PTK2: variants seen among roughly 807,000 people sequenced by gnomAD.
The protein encoded by PTK2 is focal adhesion kinase 1.
In PTK2, 45 loss-of-function variants were observed where a neutral mutation model predicts 150.1. That is an observed-to-expected ratio of 0.30 (90% CI 0.24 to 0.38). PTK2 has a LOEUF of 0.38. Ranked by LOEUF, PTK2 falls within the 10% of genes least tolerant of loss-of-function variation. PTK2 has a pLI of 1.00. For missense variants in PTK2, 919 were observed against 1,307.3 expected (o/e 0.70, Z 4.58); for synonymous variants, 432 against 449.2 (o/e 0.96, Z 0.48).
At chr8:140,724,128 CAGAT>C (rs1402794188) in intron 22 of PTK2, among the ~76,000 whole-genome samples, 2 of 152,290 alleles carry the variant, frequency 1.3e-5, no homozygotes, top group East Asian at 1.9e-4. Flanking sequence ...GAAGAAGCAA[CAGAT>C]AGATAAACAA....
chr8:140,762,309 T>C (rs2100069852), intron 15 of PTK2, 59 bp downstream of exon 18: 2 of 1,012,972 alleles, frequency 2.0e-6, no homozygotes, highest in Non-Finnish European at 2.4e-6. Context: ...AAACATCCCA[T>C]ATCACTCCAC....
chr8:140,948,983 C>T (rs1372994024), intron 1 of PTK2, among the ~76,000 whole-genome samples: 1 of 151,358 alleles, frequency 6.6e-6, no homozygotes, highest in Non-Finnish European at 1.5e-5. Context: ...CCTCTCCTGC[C>T]TCCCCTTCCA....
rs533089786 is a variant in PTK2 at position 140,679,003 on chromosome 8, G to GTTTTTTTTTTTTTTTTTTTTTTTTT, written c.2563-3529_2563-3505dup. 2.9e-5 allele frequency among the ~76,000 whole-genome samples: 2 copies of GTTTTTTTTTTTTTTTTTTTTTTTTT among 69,008 alleles called. 1 individual carries two copies. The highest frequency in any genetic ancestry group is 5.1e-5 in the Non-Finnish European group (2 of 39,314). The allele number at this position is 69,008 out of a possible 152,430, so 45.3% of individuals were successfully genotyped here. On this transcript the variant is annotated intron_variant, in intron 27 of 31. Transcript: ENST00000522684. ...TCACGGCCAGCTGAGTGCTCCCCAT[G>GTTTTTTTTTTTTTTTTTTTTTTTTT]TTTTTTTTTTTTTTTTTTTTTTTTT...
At chr8:140,783,558 A>G (rs2100083099) in intron 14 of PTK2, among the ~76,000 whole-genome samples, 1 of 152,220 alleles carries the variant, frequency 6.6e-6, no homozygotes, top group South Asian at 2.1e-4. Flanking sequence ...ACCACACAGA[A>G]AGAGATAAAA....
chr8:140,759,530 T>TAAAAAAAAAAAAAAAAAA (rs761643170), intron 16 of PTK2, among the ~76,000 whole-genome samples: 5 of 58,056 alleles, frequency 8.6e-5, no homozygotes, highest in Admixed American at 2.6e-4. Context: ...GACCCTGTCC[T>TAAAAAAAAAAAAAAAAAA]AAAAAAAAAA....
At chr8:140,884,010 C>T (rs953278682) in intron 3 of PTK2, among the ~76,000 whole-genome samples, 3 of 152,054 alleles carry the variant, frequency 2.0e-5, no homozygotes, top group Non-Finnish European at 4.4e-5. Context: ...CTTCCCTCAA[C>T]GTTGCATCTG....
intron 22 of PTK2, among the ~76,000 whole-genome samples, chr8:140,729,735 A>C (rs2154359912): frequency 6.6e-6 from 1 of 152,322 alleles, no homozygotes; most frequent in East Asian, 1.9e-4. Context: ...ATAAGATGGC[A>C]GGCACACTTA....
chr8:140,930,961 C>T (rs1022747041), intron 1 of PTK2, among the ~76,000 whole-genome samples: 2 of 151,496 alleles, frequency 1.3e-5, no homozygotes, highest in African/African-American at 2.4e-5. Context: ...GTAACTCCAG[C>T]TACTCAGGAG....
chr8:140,747,627 G>A (rs2100059965), intron 17 of PTK2, among the ~76,000 whole-genome samples: 1 of 93,850 alleles, frequency 1.1e-5, no homozygotes, highest in South Asian at 5.5e-4. Context: ...AGGAAGAGGA[G>A]GAAGGGGAGA....
intron 17 of PTK2, among the ~76,000 whole-genome samples, chr8:140,749,234 T>C (rs897561516): frequency 2.6e-5 from 4 of 152,204 alleles, no homozygotes; most frequent in Admixed American, 2.6e-4. Flanking sequence ...AATCTCACCT[T>C]GTCACATTCA....
rs2100074403 is a variant in PTK2, at chr8:140,769,559, T to G, written c.1178-5269A>C. ...TTATCTCATAGCAGTAACACAAATG[T>G]GAAAATAAATATTACCGTCCCCACT... On this transcript the variant is annotated intron_variant, in intron 14 of 31. Transcript: ENST00000522684. 7.4e-7 allele frequency: 1 copy of G among 1,348,822 alleles called. No homozygotes were observed. Among genetic ancestry groups the G allele is most frequent in the Admixed American group, 1.9e-5 (1 of 52,330 alleles). The allele number at this position is 1,348,822 out of a possible 1,614,324, so 83.6% of individuals were successfully genotyped here.
At chr8:140,930,271 T>TA (rs1307906082) in intron 1 of PTK2, among the ~76,000 whole-genome samples, 19 of 152,210 alleles carry the variant, frequency 1.2e-4, no homozygotes, top group Non-Finnish European at 4.4e-5. Flanking sequence ...AAAATACTCA[T>TA]TAACAACAAA....
At chr8:140,686,763 T>A in intron 26 of PTK2, 69 bp from the exon 30 acceptor site, 2 of 1,324,684 alleles carry the variant, frequency 1.5e-6, no homozygotes, top group Non-Finnish European at 2.1e-6. Context: ...GATTCTGTAT[T>A]AAATTCCTTC....
At chr8:140,705,044 C>T (rs2100032891) in intron 24 of PTK2, among the ~76,000 whole-genome samples, 1 of 152,152 alleles carries the variant, frequency 6.6e-6, no homozygotes, top group African/African-American at 2.4e-5. Flanking sequence ...TCATCTGCCT[C>T]AGAACCTACT....
At chr8:140,858,875 C>T (rs79857102) in intron 5 of PTK2, among the ~76,000 whole-genome samples, 2 of 152,060 alleles carry the variant, frequency 1.3e-5, no homozygotes, top group African/African-American at 4.8e-5. Context: ...CAATTAGTAT[C>T]AAATGAGCCA....
intron 24 of PTK2, 62 bp from the exon 28 acceptor site, chr8:140,702,769 C>T: frequency 6.5e-7 from 1 of 1,529,042 alleles, no homozygotes; most frequent in African/African-American, 1.4e-5. Context: ...TTCTGCTTCA[C>T]ACACAAAGGA....
rs139132261 is a variant in PTK2, at chr8:140,708,680, G to A, written c.2143-2475C>T. Among the ~76,000 whole-genome samples the A allele has an allele frequency of 3.9e-3, 589 of 152,284 alleles. 1 individual carries two copies. Among genetic ancestry groups the A allele is most frequent in the African/African-American group, 0.014 (575 of 41,566 alleles). ...CCCAAACAGGAAAAGGGTATAAAGA[G>A]AGCATTCTAGGCTTTTCTCTACTGT... On this transcript the variant is annotated intron_variant, in intron 23 of 31. Transcript: ENST00000522684.
chr8:140,874,087 T>C (rs2100144169), intron 4 of PTK2, among the ~76,000 whole-genome samples: 1 of 152,188 alleles, frequency 6.6e-6, no homozygotes, highest in African/African-American at 2.4e-5. Flanking sequence ...GTATCCAATG[T>C]TGTTGTTGCT....
Position 140,846,695 on chromosome 8 carries a change from G to A in PTK2, c.451-17C>T, listed in dbSNP as rs2100125710. 1 of 1,575,508 alleles carries A rather than the reference G, an allele frequency of 6.3e-7. No homozygotes were observed. Among genetic ancestry groups the A allele is most frequent in the Non-Finnish European group, 8.7e-7 (1 of 1,154,994 alleles). On this transcript the variant is annotated splice_polypyrimidine_tract_variant and intron_variant, in intron 5 of 31. Transcript: ENST00000522684. The stretch of plus-strand genomic sequence containing the variant: ...GCTCTTCACCTACAACAAAAGGAAT[G>A]GGAAAAACAACACTGTTTTAAAAGA...
Sources: allele counts gnomAD v4.1 joint callset (sites outside exome capture counted in the v4.1 genomes callset), GRCh38; gene constraint gnomAD v4.1.1; transcripts MANE v1.5; gene names NCBI Gene and HGNC (gene_info 2026-07-23, HGNC 2026-07-21).